Variants in ZFP64 observed in about 807,000 individuals in gnomAD.
ZFP64 encodes the protein zinc finger protein 64.
ZFP64 carries 14 observed loss-of-function variants against 51.6 expected under a neutral mutation model. That is an observed-to-expected ratio of 0.27 (90% CI 0.18 to 0.42). ZFP64 has a LOEUF of 0.42. ZFP64 is among the 10% of genes least tolerant of loss of function. The pLI, the probability that ZFP64 is intolerant of heterozygous loss-of-function variation, is 1.00. For missense variants in ZFP64, 754 were observed against 906.8 expected (o/e 0.83, Z 2.16); for synonymous variants, 375 against 361.4 (o/e 1.04, Z -0.43).
intron 5 of ZFP64, among the ~76,000 whole-genome samples, chr20:52,125,772 AT>A (rs1463349197): frequency 3.1e-4 from 47 of 152,278 alleles, no homozygotes; most frequent in African/African-American, 1.1e-3. Flanking sequence ...TCAGCCACTG[AT>A]GGCTTAACAC....
intron 5 of ZFP64, among the ~76,000 whole-genome samples, chr20:52,134,786 T>C (rs1354084211): frequency 6.6e-6 from 1 of 152,176 alleles, no homozygotes; most frequent in Non-Finnish European, 1.5e-5. Context: ...AAAATACAAA[T>C]TCAATCTAAT....
At chr20:52,119,533 AAT>A (rs71192595) in intron 5 of ZFP64, among the ~76,000 whole-genome samples, 20,509 of 89,246 alleles carry the variant, frequency 0.23, 2,401 homozygotes, top group Admixed American at 0.3. Flanking sequence ...AAAAAAAAAA[AAT>A]ATATATATAT....
intron 5 of ZFP64, among the ~76,000 whole-genome samples, chr20:52,113,680 C>T (rs1327025481): frequency 6.7e-6 from 1 of 149,988 alleles, no homozygotes; most frequent in Non-Finnish European, 1.5e-5. Flanking sequence ...CTCAGATGAT[C>T]CACCTGCCTC....
In ZFP64 at chr20:52,168,943, T is replaced by C. The variant is rs375456769; in HGVS notation, c.287-2918A>G. On this transcript the variant is annotated intron_variant, in intron 2 of 5. Coordinates refer to ENST00000216923, the MANE Select transcript of ZFP64 (RefSeq NM_018197.3). ...TTTGTTCACATGCACAGCAAGGTAA[T>C]GTTTTTGGACTGCCTGCTGGTTGAC... is the stretch of plus-strand genomic sequence containing the variant. Among the ~76,000 whole-genome samples the C allele has an allele frequency of 5.9e-5, 9 of 152,338 alleles. No individual in the cohort carries two copies. In the South Asian group the frequency reaches 1.9e-3, roughly 32 times the overall value.
chr20:52,091,523 T>C (rs1435042429), intron 7 of ZFP64, among the ~76,000 whole-genome samples: 2 of 152,168 alleles, frequency 1.3e-5, no homozygotes, highest in Admixed American at 1.3e-4. Context: ...AAATTTCATA[T>C]GGATGAGAGA....
chr20:52,095,058 T>C (rs1424667733), intron 7 of ZFP64, among the ~76,000 whole-genome samples: 1 of 152,216 alleles, frequency 6.6e-6, no homozygotes, highest in East Asian at 1.9e-4. Flanking sequence ...GAAAGCTTAT[T>C]TGCATATGTT....
intron 8 of ZFP64, chr20:52,088,267 A>G: frequency 1.4e-6 from 2 of 1,435,968 alleles, no homozygotes; most frequent in Non-Finnish European, 9.4e-7. Flanking sequence ...CAATTATCAC[A>G]GAAGTTCCAA....
chr20:52,098,707 A>C, intron 5 of ZFP64: 2 of 1,380,130 alleles, frequency 1.4e-6, no homozygotes, highest in Non-Finnish European at 2.0e-6. Flanking sequence ...AATTTAAAAA[A>C]AATGAAAGCC....
At chr20:52,102,813 G>C (rs1164912829) in intron 5 of ZFP64, among the ~76,000 whole-genome samples, 1 of 152,188 alleles carries the variant, frequency 6.6e-6, no homozygotes, top group African/African-American at 2.4e-5. Context: ...CGTCTCATTA[G>C]CTTAGATGAA....
At chr20:52,124,886 G>A (rs982139596) in intron 5 of ZFP64, among the ~76,000 whole-genome samples, 24 of 152,110 alleles carry the variant, frequency 1.6e-4, no homozygotes, top group African/African-American at 5.5e-4. Context: ...TTACAGGTAT[G>A]AGCCACCATG....
At chr20:52,179,496 T>C (rs1303616230) in intron 2 of ZFP64, among the ~76,000 whole-genome samples, 1 of 152,152 alleles carries the variant, frequency 6.6e-6, no homozygotes, top group African/African-American at 2.4e-5. Context: ...CCAGACCTGG[T>C]GTGTTGGGTG....
chr20:52,095,416 T>G (rs6096750), intron 7 of ZFP64, among the ~76,000 whole-genome samples: 39,706 of 152,102 alleles, frequency 0.26, 6,972 homozygotes, highest in African/African-American at 0.51. Flanking sequence ...CACACCAGCC[T>G]GATCACTCAC....
intron 5 of ZFP64, among the ~76,000 whole-genome samples, chr20:52,131,618 G>C (rs1217711874): frequency 6.6e-6 from 1 of 152,138 alleles, no homozygotes; most frequent in Admixed American, 6.5e-5. Context: ...TATAAGAAAA[G>C]CAGGTCACTA....
rs367734700 is a variant in ZFP64 at position 52,105,186 on chromosome 20, G to A, written c.764-6599C>T. On this transcript the variant is annotated intron_variant, in intron 5 of 8. Transcript: ENST00000361387. ...TCCGCACACTCCCGGCGCGCAGGCCGCGGCTCCTCGGAGTTGAGGTGCTGG... is the reference window on the plus strand; with the variant it reads ...TCCGCACACTCCCGGCGCGCAGGCCACGGCTCCTCGGAGTTGAGGTGCTGG... 64 of 1,434,986 alleles carry A rather than the reference G, an allele frequency of 4.5e-5. No individual in the cohort carries two copies. In the African/African-American group the frequency reaches 7.0e-4, roughly 16 times the overall value. The allele number at this position is 1,434,986 out of a possible 1,614,324, so 88.9% of individuals were successfully genotyped here. A position where few individuals can be genotyped will look rare whatever the true frequency, so the allele number is the denominator to read the frequency against.
chr20:52,156,327 G>A (rs973234833), intron 5 of ZFP64, among the ~76,000 whole-genome samples: 10 of 152,232 alleles, frequency 6.6e-5, no homozygotes, highest in African/African-American at 2.4e-4. Flanking sequence ...TTGGCCAATG[G>A]TATGTTTAGT....
At chr20:52,103,437 T>TG (rs1403626847) in intron 5 of ZFP64, among the ~76,000 whole-genome samples, 2 of 152,080 alleles carry the variant, frequency 1.3e-5, no homozygotes, top group Non-Finnish European at 2.9e-5. Context: ...TCCGAAGTGG[T>TG]GGCTGGGGTT....
In ZFP64 at chr20:52,191,541, G is replaced by A. The variant is rs1386879382; in HGVS notation, c.46+50C>T. 6.6e-7 allele frequency: 1 copy of A among 1,509,538 alleles called. No individual in the cohort carries two copies. The highest frequency in any genetic ancestry group is 1.2e-5 in the South Asian group (1 of 80,090). The allele number at this position is 1,509,538 out of a possible 1,614,324, so 93.5% of individuals were successfully genotyped here. ...CAGACGTGCTTGGGCCCGGGCCCCGGAGCGCGCACTGGGCCCCGGAGCGCG... is the reference window on the plus strand; with the variant it reads ...CAGACGTGCTTGGGCCCGGGCCCCGAAGCGCGCACTGGGCCCCGGAGCGCG... On this transcript the variant is annotated intron_variant, in intron 1 of 5. Transcript: ENST00000216923. The surrounding 1 kb of genome is among the most constrained non-coding windows in gnomAD (Gnocchi z 4.3).
exon 9 of ZFP64, chr20:52,084,739 C>T (rs775859440): frequency 1.2e-5 from 20 of 1,614,236 alleles, no homozygotes; most frequent in Non-Finnish European, 1.7e-5. Flanking sequence ...AAGGAGGCGC[C>T]GCAGGTCTCA....
Position 52,085,011 on chromosome 20 carries a change from T to C in ZFP64, c.1484A>G (p.Glu495Gly). ...GGAGTAGCTGCACTCTGGACACTTC[T>C]CCGGGTGGTCGGCCTGGTGCAGCCG... Residue 495 changes from glutamate (E) to glycine (G), a missense_variant, in exon 9 of 9, where the codon GAG (glutamate) becomes GGG (glycine). Transcript: ENST00000361387. This position sits in a 1 kb window ranked among gnomAD's most constrained non-coding sequence, Gnocchi z 4.3. 1 of 1,614,070 alleles carries C rather than the reference T, an allele frequency of 6.2e-7. No individual in the cohort carries two copies. The highest frequency in any genetic ancestry group is 1.1e-5 in the South Asian group (1 of 91,076).
Sources: allele counts gnomAD v4.1 joint callset (sites outside exome capture counted in the v4.1 genomes callset), GRCh38; gene constraint gnomAD v4.1.1; non-coding constraint Gnocchi (gnomAD v3.1); transcripts MANE v1.5; gene names NCBI Gene and HGNC (gene_info 2026-07-23, HGNC 2026-07-21).